The following PTPRD variants were observed in gnomAD, a reference collection of about 807,000 sequenced individuals.
PTPRD encodes the protein receptor-type tyrosine-protein phosphatase delta.
PTPRD carries 34 observed loss-of-function variants against 214.5 expected under a neutral mutation model. The ratio of observed to expected loss-of-function variants is 0.16; its 90% CI spans 0.12 to 0.21. The LOEUF is 0.21. PTPRD is among the 10% of genes least tolerant of loss of function. The probability of loss-of-function intolerance (pLI) is 1.00; values close to 1 mark genes in which losing one functional copy is unlikely to be tolerated. For synonymous variants in PTPRD, 1,128 were observed against 845.7 expected, an observed-to-expected ratio of 1.33 and a Z score of -5.79; for missense variants, 2,545 against 2,398.7, an observed-to-expected ratio of 1.06 and a Z score of -1.27.
intron 12 of PTPRD, among the ~76,000 whole-genome samples, chr9:8,677,813 C>T (rs1565209075): frequency 6.6e-6 from 1 of 152,122 alleles, no homozygotes; most frequent in Non-Finnish European, 1.5e-5. Context: ...ACCCAGGCAC[C>T]ACAAGCAGCG....
intron 8 of PTPRD, among the ~76,000 whole-genome samples, chr9:9,425,290 G>A (rs1427965435): frequency 1.3e-5 from 2 of 151,270 alleles, no homozygotes; most frequent in Non-Finnish European, 2.9e-5. Flanking sequence ...ATGACGTTCA[G>A]AATCATGAGC....
intron 2 of PTPRD, among the ~76,000 whole-genome samples, chr9:10,437,090 G>A (rs921644037): frequency 4.0e-5 from 6 of 151,556 alleles, no homozygotes; most frequent in South Asian, 2.1e-4. Flanking sequence ...ACAATTCCCC[G>A]TGTTTCCCTG....
intron 2 of PTPRD, among the ~76,000 whole-genome samples, chr9:10,604,092 G>T (rs1023702588): frequency 6.6e-6 from 1 of 151,678 alleles, no homozygotes; most frequent in Admixed American, 6.6e-5. Context: ...GGGGAACTTG[G>T]CAATAGAAAC....
intron 14 of PTPRD, among the ~76,000 whole-genome samples, chr9:8,580,806 C>A (rs1047666280): frequency 2.6e-5 from 4 of 152,058 alleles, no homozygotes; most frequent in African/African-American, 9.7e-5. Context: ...ATATAAACAG[C>A]AAATAGCAAA....
chr9:9,897,222 T>C (rs2075248622), intron 5 of PTPRD, among the ~76,000 whole-genome samples: 1 of 151,960 alleles, frequency 6.6e-6, no homozygotes, highest in Non-Finnish European at 1.5e-5. Context: ...TTCAGAATTG[T>C]TGCTTAAATC....
intron 9 of PTPRD, among the ~76,000 whole-genome samples, chr9:9,204,646 A>G (rs572942570): frequency 4.9e-4 from 75 of 152,324 alleles, no homozygotes; most frequent in Admixed American, 4.8e-3. Context: ...CAAATATTAA[A>G]CCAGTCAATT....
intron 2 of PTPRD, among the ~76,000 whole-genome samples, chr9:10,584,145 T>C (rs1244513810): frequency 6.7e-6 from 1 of 149,164 alleles, no homozygotes; most frequent in Non-Finnish European, 1.5e-5. Flanking sequence ...CTCTCTCCTA[T>C]ATCACAAGTG....
intron 11 of PTPRD, among the ~76,000 whole-genome samples, chr9:8,849,510 G>A (rs1464580104): frequency 6.6e-6 from 1 of 152,182 alleles, no homozygotes. Flanking sequence ...ACAGGCGTGA[G>A]CCACCGCGCC....
intron 11 of PTPRD, among the ~76,000 whole-genome samples, chr9:8,875,376 T>TC (rs398046421): frequency 6.6e-6 from 1 of 151,962 alleles, no homozygotes; most frequent in Non-Finnish European, 1.5e-5. Flanking sequence ...ATTTTTTTTT[T>TC]AATTAGCCAG....
chr9:8,950,981 A>G (rs767177272), intron 11 of PTPRD, among the ~76,000 whole-genome samples: 12 of 152,152 alleles, frequency 7.9e-5, no homozygotes, highest in Non-Finnish European at 1.6e-4. Context: ...TGATAGTTGA[A>G]TCCTATTTGG....
intron 3 of PTPRD, among the ~76,000 whole-genome samples, chr9:10,329,634 TA>T: frequency 6.6e-6 from 1 of 151,962 alleles, no homozygotes; most frequent in Non-Finnish European, 1.5e-5. Flanking sequence ...TACCTGTTTT[TA>T]AAAAGATACA....
chr9:9,838,340 C>T (rs1412698386), intron 5 of PTPRD, among the ~76,000 whole-genome samples: 2 of 151,996 alleles, frequency 1.3e-5, no homozygotes, highest in Non-Finnish European at 1.5e-5. Flanking sequence ...TGAGGAATCG[C>T]CACACTGACT....
chr9:9,351,688 A>G (rs1307064252), intron 9 of PTPRD, among the ~76,000 whole-genome samples: 2 of 152,024 alleles, frequency 1.3e-5, no homozygotes, highest in Non-Finnish European at 2.9e-5. Context: ...CTTTTCAGTT[A>G]AAAAGGATTT....
chr9:10,463,894 C>G (rs1202649553), intron 2 of PTPRD, among the ~76,000 whole-genome samples: 1 of 152,010 alleles, frequency 6.6e-6, no homozygotes, highest in Non-Finnish European at 1.5e-5. Flanking sequence ...CAAAATACCC[C>G]TTTTATTCTG....
intron 12 of PTPRD, among the ~76,000 whole-genome samples, chr9:8,676,870 G>A (rs187987817): frequency 2.0e-5 from 3 of 152,262 alleles, no homozygotes; most frequent in Admixed American, 6.5e-5. Context: ...CACCGTGCCC[G>A]GCCCATTGTC....
At chr9:8,735,910 CAA>C (rs34573821) in intron 11 of PTPRD, among the ~76,000 whole-genome samples, 3,526 of 130,920 alleles carry the variant, frequency 0.027, 113 homozygotes, top group African/African-American at 0.094. Context: ...GACTTCGTCT[CAA>C]AAAAAAAAAA....
intron 11 of PTPRD, among the ~76,000 whole-genome samples, chr9:8,781,782 G>A (rs1392169415): frequency 2.0e-5 from 3 of 152,078 alleles, no homozygotes; most frequent in South Asian, 2.1e-4. Context: ...CAATGAGTAC[G>A]TTTTCCCAAA....
At chr9:8,729,104 G>T (rs1223293638) in intron 12 of PTPRD, among the ~76,000 whole-genome samples, 1 of 152,188 alleles carries the variant, frequency 6.6e-6, no homozygotes, top group African/African-American at 2.4e-5. Context: ...GTATTACTGT[G>T]TTTACCTACA....
At chr9:9,084,155 A>G (rs920224956) in intron 10 of PTPRD, among the ~76,000 whole-genome samples, 2 of 152,220 alleles carry the variant, frequency 1.3e-5, no homozygotes, top group Admixed American at 6.5e-5. Context: ...ACCAACCCAA[A>G]TGCCCATCAA....
Sources: allele counts gnomAD v4.1 joint callset (sites outside exome capture counted in the v4.1 genomes callset), GRCh38; gene constraint gnomAD v4.1.1; transcripts MANE v1.5; gene names NCBI Gene and HGNC (gene_info 2026-07-23, HGNC 2026-07-21).